SLC44A5: variants seen among roughly 807,000 people sequenced by gnomAD.
The protein encoded by SLC44A5 is solute carrier family 44 member 5.
A neutral mutation model predicts 101.8 loss-of-function variants in SLC44A5; 57 were observed. The ratio of observed to expected loss-of-function variants is 0.56; its 90% CI spans 0.45 to 0.70. The LOEUF (loss-of-function observed/expected upper bound fraction) is 0.70, where lower values mean the gene tolerates loss of function less well. Ranked by LOEUF, SLC44A5 falls within the 30% of genes least tolerant of loss-of-function variation. The pLI, the probability that SLC44A5 is intolerant of heterozygous loss-of-function variation, is 0.00. For missense variants in SLC44A5, 737 were observed against 853.1 expected (o/e 0.86, Z 1.70); for synonymous variants, 281 against 290.9 (o/e 0.97, Z 0.35).
At chr1:75,676,092 T>C in the SLC44A5 span, among the ~76,000 whole-genome samples, 1 of 152,196 alleles carries the variant, frequency 6.6e-6, no homozygotes. Flanking sequence ...TTTTACATTG[T>C]TGGTGGGAAT....
At chr1:75,336,450 G>A (rs920459733) in intron 4 of SLC44A5, among the ~76,000 whole-genome samples, 3 of 152,082 alleles carry the variant, frequency 2.0e-5, no homozygotes, top group Admixed American at 6.6e-5. Context: ...CACCGTGCCC[G>A]GCCAGAATAT....
Position 75,575,841 on chromosome 1 carries a change from G to A in SLC44A5, c.-69-34325C>T, listed in dbSNP as rs563693521. On this transcript the variant is annotated intron_variant, in intron 1 of 23. Coordinates refer to ENST00000370859, the MANE Select transcript of SLC44A5 (RefSeq NM_001130058.2). Reference sequence around the variant, plus strand: ...GACAAAATGGAAATGTAGGATACACGAAGCCTGAACAATGTCATTAACTAT... The same window carrying A: ...GACAAAATGGAAATGTAGGATACACAAAGCCTGAACAATGTCATTAACTAT... 3.3e-5 allele frequency among the ~76,000 whole-genome samples: 5 copies of A among 152,268 alleles called. No individual in the cohort carries two copies. In the South Asian group the frequency reaches 6.2e-4, roughly 19 times the overall value.
At chr1:75,263,719 T>C (rs1222752074) in intron 6 of SLC44A5, among the ~76,000 whole-genome samples, 1 of 152,156 alleles carries the variant, frequency 6.6e-6, no homozygotes, top group African/African-American at 2.4e-5. Flanking sequence ...AACAAAGACT[T>C]GGAACCCACC....
intron 1 of SLC44A5, among the ~76,000 whole-genome samples, chr1:75,587,154 G>A (rs147784041): frequency 1.9e-3 from 292 of 152,088 alleles, no homozygotes; most frequent in African/African-American, 6.3e-3. Context: ...GACAGCCACC[G>A]ACAACAAAAT....
the SLC44A5 span, among the ~76,000 whole-genome samples, chr1:75,656,976 C>A: frequency 6.6e-6 from 1 of 152,000 alleles, no homozygotes; most frequent in Non-Finnish European, 1.5e-5. Context: ...TGGTGAAACC[C>A]CATCTCTACT....
At chr1:75,678,939 G>A in the SLC44A5 span, among the ~76,000 whole-genome samples, 6,706 of 152,116 alleles carry the variant, frequency 0.044, 202 homozygotes, top group African/African-American at 0.092. Context: ...AGCTGAAAAC[G>A]AAGGCTCGAG....
At chr1:75,527,150 A>AAAAAG (rs373680838) in intron 2 of SLC44A5, among the ~76,000 whole-genome samples, 2,862 of 151,068 alleles carry the variant, frequency 0.019, 99 homozygotes, top group African/African-American at 0.066. Context: ...AAAAGAAAAA[A>AAAAAG]AAAAGAAAAG....
At chr1:75,416,341 C>T (rs913229237) in intron 2 of SLC44A5, among the ~76,000 whole-genome samples, 29 of 152,192 alleles carry the variant, frequency 1.9e-4, no homozygotes, top group African/African-American at 6.8e-4. Context: ...TGGTGTTGAG[C>T]CTGCCAGTGC....
chr1:75,633,217 C>T, the SLC44A5 span, among the ~76,000 whole-genome samples: 49 of 152,124 alleles, frequency 3.2e-4, no homozygotes, highest in African/African-American at 1.2e-3. Flanking sequence ...TTTTTTGGTT[C>T]CATATGAACT....
At chr1:75,677,726 T>C in the SLC44A5 span, 1 of 439,624 alleles carries the variant, frequency 2.3e-6, no homozygotes, top group South Asian at 1.6e-5. Flanking sequence ...CAATCATCTG[T>C]TACCTATAAA....
chr1:75,644,215 AT>A, the SLC44A5 span, among the ~76,000 whole-genome samples: 1 of 152,192 alleles, frequency 6.6e-6, no homozygotes, highest in African/African-American at 2.4e-5. Flanking sequence ...TAGCATATGC[AT>A]TGTTTTATGT....
chr1:75,298,410 A>T (rs544999997), intron 5 of SLC44A5, among the ~76,000 whole-genome samples: 47 of 152,198 alleles, frequency 3.1e-4, no homozygotes, highest in Non-Finnish European at 4.9e-4. Context: ...TTATTGAGTA[A>T]CATTTATCTG....
intron 2 of SLC44A5, among the ~76,000 whole-genome samples, chr1:75,494,353 C>G (rs1668566799): frequency 6.6e-6 from 1 of 152,158 alleles, no homozygotes; most frequent in African/African-American, 2.4e-5. Context: ...ATCAAACCCC[C>G]AACTTCTCCC....
chr1:75,623,298 A>G, the SLC44A5 span, among the ~76,000 whole-genome samples: 1 of 152,118 alleles, frequency 6.6e-6, no homozygotes, highest in Non-Finnish European at 1.5e-5. Context: ...TTCCTCTAAG[A>G]ATGTGATGTT....
chr1:75,540,971 A>G (rs1671324038), intron 2 of SLC44A5, among the ~76,000 whole-genome samples: 3 of 152,194 alleles, frequency 2.0e-5, no homozygotes, highest in Admixed American at 2.0e-4. Flanking sequence ...CTGACACAGT[A>G]TTGTTTCTCT....
At chr1:75,535,890 C>A (rs1272039670) in intron 2 of SLC44A5, among the ~76,000 whole-genome samples, 1 of 151,750 alleles carries the variant, frequency 6.6e-6, no homozygotes, top group Admixed American at 6.6e-5. Flanking sequence ...TACTGGAAAC[C>A]CTATAAAACA....
chr1:75,500,254 C>G (rs1395170102), intron 2 of SLC44A5, among the ~76,000 whole-genome samples: 3 of 152,162 alleles, frequency 2.0e-5, no homozygotes, highest in Non-Finnish European at 4.4e-5. Flanking sequence ...AGTCATGCAT[C>G]AAAATGGACT....
intron 1 of SLC44A5, among the ~76,000 whole-genome samples, chr1:75,543,351 A>G (rs1671455358): frequency 6.6e-6 from 1 of 151,726 alleles, no homozygotes; most frequent in Admixed American, 6.6e-5. Flanking sequence ...CTCCACCTCA[A>G]TCAAGTGGAA....
chr1:75,277,946 G>T (rs975836259), intron 5 of SLC44A5, among the ~76,000 whole-genome samples: 6 of 152,036 alleles, frequency 3.9e-5, no homozygotes, highest in African/African-American at 1.4e-4. Context: ...AAAAGGAGAT[G>T]GGCAGCAGCC....
Sources: allele counts gnomAD v4.1 joint callset (sites outside exome capture counted in the v4.1 genomes callset), GRCh38; gene constraint gnomAD v4.1.1; transcripts MANE v1.5; gene names NCBI Gene and HGNC (gene_info 2026-07-23, HGNC 2026-07-21).